The following TBC1D32 variants were observed in gnomAD, a reference collection of about 807,000 sequenced individuals.
TBC1D32 encodes the protein TBC1 domain family member 32, also known as protein broad-minded.
A neutral mutation model predicts 170.3 loss-of-function variants in TBC1D32; 151 were observed. That is an observed-to-expected ratio of 0.89 (90% CI 0.78 to 1.01). The LOEUF is 1.01. Among genes scored for constraint, TBC1D32 ranks in the 50% least tolerant of loss-of-function variants. The pLI, the probability that TBC1D32 is intolerant of heterozygous loss-of-function variation, is 0.00. For missense variants in TBC1D32, 1,464 were observed against 1,457.1 expected, an observed-to-expected ratio of 1.00 and a Z score of -0.08; for synonymous variants, 498 against 488.0, an observed-to-expected ratio of 1.02 and a Z score of -0.27.
intron 2 of TBC1D32, among the ~76,000 whole-genome samples, chr6:121,318,533 G>A (rs980410483): frequency 1.3e-5 from 2 of 151,898 alleles, no homozygotes; most frequent in African/African-American, 2.4e-5. Flanking sequence ...GCATAAAGAT[G>A]TAAGTAAAAA....
intron 22 of TBC1D32, among the ~76,000 whole-genome samples, chr6:121,184,008 A>AGTGTATCT (rs1353923646): frequency 1.3e-5 from 2 of 152,070 alleles, no homozygotes; most frequent in Non-Finnish European, 2.9e-5. Flanking sequence ...GCTTTACAAT[A>AGTGTATCT]GTGTATCTGT....
chr6:121,136,546 CT>C (rs112352692), intron 24 of TBC1D32, among the ~76,000 whole-genome samples: 14 of 152,162 alleles, frequency 9.2e-5, no homozygotes, highest in South Asian at 2.1e-4. Flanking sequence ...AAATCCCCCC[CT>C]GGCAAAGAAA....
chr6:121,107,824 C>T (rs1052636024), intron 29 of TBC1D32, among the ~76,000 whole-genome samples: 6 of 151,944 alleles, frequency 3.9e-5, no homozygotes, highest in African/African-American at 1.4e-4. Context: ...TTCTAGGCTA[C>T]ATTAGAAATA....
intron 25 of TBC1D32, among the ~76,000 whole-genome samples, chr6:121,130,214 G>A (rs894366904): frequency 5.3e-5 from 8 of 152,110 alleles, no homozygotes; most frequent in Non-Finnish European, 1.0e-4. Context: ...GGGCGCGGTG[G>A]CTCATGCCTG....
At chr6:121,086,109 T>C (rs1776248987) in intron 31 of TBC1D32, among the ~76,000 whole-genome samples, 2 of 152,096 alleles carry the variant, frequency 1.3e-5, no homozygotes, top group Admixed American at 1.3e-4. Flanking sequence ...ATAAGAAGAA[T>C]CTAGTAGAGG....
chr6:121,081,737 A>G (rs1775664004), intron 31 of TBC1D32, among the ~76,000 whole-genome samples: 1 of 152,088 alleles, frequency 6.6e-6, no homozygotes, highest in African/African-American at 2.4e-5. Context: ...AAACCTCAAT[A>G]TAGAAATAGC....
intron 21 of TBC1D32, among the ~76,000 whole-genome samples, chr6:121,217,723 T>C (rs1375210833): frequency 6.6e-6 from 1 of 152,076 alleles, no homozygotes; most frequent in African/African-American, 2.4e-5. Flanking sequence ...GATGAAATAA[T>C]CTGTACAACA....
At chr6:121,242,398 G>C in intron 17 of TBC1D32, 59 bp from the exon 18 acceptor site, 3 of 1,548,036 alleles carry the variant, frequency 1.9e-6, no homozygotes, top group Non-Finnish European at 1.8e-6. Context: ...TGAAAACAAA[G>C]AGTATGTCTT....
intron 24 of TBC1D32, among the ~76,000 whole-genome samples, chr6:121,143,022 G>A (rs186673811): frequency 1.8e-4 from 27 of 152,168 alleles, no homozygotes; most frequent in Admixed American, 1.5e-3. Context: ...GAGGCAGTAA[G>A]TTATAACACT....
At chr6:121,334,543 A>C (rs1811641393), upstream of TBC1D32, 1 of 1,317,654 alleles carries the variant, frequency 7.6e-7, no homozygotes, top group African/African-American at 1.5e-5. Flanking sequence ...CGTCGTTCCC[A>C]GGGATACCGC....
At chr6:121,274,140 C>A (rs1801900149) in intron 15 of TBC1D32, among the ~76,000 whole-genome samples, 1 of 152,052 alleles carries the variant, frequency 6.6e-6, no homozygotes, top group Non-Finnish European at 1.5e-5. Context: ...GGAGACCAGC[C>A]TGGCCAATAT....
chr6:121,309,461 CTA>C (rs2128486127), intron 4 of TBC1D32, among the ~76,000 whole-genome samples: 1 of 152,124 alleles, frequency 6.6e-6, no homozygotes, highest in African/African-American at 2.4e-5. Flanking sequence ...TTATTCTTCT[CTA>C]TGAGTTTTTT....
intron 15 of TBC1D32, among the ~76,000 whole-genome samples, chr6:121,272,574 A>T (rs113199677): frequency 0.051 from 7,729 of 152,218 alleles, 378 homozygotes; most frequent in African/African-American, 0.12. Context: ...ATCTCACACC[A>T]GTTAGAATGG....
intron 11 of TBC1D32, among the ~76,000 whole-genome samples, chr6:121,293,590 A>G (rs1425674371): frequency 6.6e-6 from 1 of 152,222 alleles, no homozygotes; most frequent in Non-Finnish European, 1.5e-5. Context: ...AGAAAAATTC[A>G]GAATAAGCAG....
chr6:121,313,010 G>T (rs1270067502), intron 3 of TBC1D32, among the ~76,000 whole-genome samples: 1 of 152,052 alleles, frequency 6.6e-6, no homozygotes, highest in Non-Finnish European at 1.5e-5. Context: ...CTTGGGTTCT[G>T]GGTCAAGACC....
At chr6:121,131,527 A>G (rs1781436294) in intron 25 of TBC1D32, 100 bp downstream of exon 25, 1 of 1,259,644 alleles carries the variant, frequency 7.9e-7, no homozygotes, top group African/African-American at 1.5e-5. Flanking sequence ...ATTTAGCATT[A>G]TGTTTTCTAC....
chr6:121,124,174 C>G (rs1253090369), intron 26 of TBC1D32, among the ~76,000 whole-genome samples: 1 of 151,996 alleles, frequency 6.6e-6, no homozygotes, highest in East Asian at 1.9e-4. Flanking sequence ...CCTTTTCCTT[C>G]CATTTTAAAA....
intron 22 of TBC1D32, among the ~76,000 whole-genome samples, chr6:121,182,562 G>GCT (rs1292870627): frequency 1.3e-5 from 2 of 151,950 alleles, no homozygotes; most frequent in Non-Finnish European, 2.9e-5. Context: ...ATTTGTATAA[G>GCT]CTAGCAGTTA....
rs751130121 is a variant in TBC1D32 at position 121,106,119 on chromosome 6, T to C, written c.3369A>G (p.Val1123=). ...CAATATAATGGGTGCTGCAAAAATA[T>C]ACTGGATGGATGCCAGATTCTACAG... ...NDTVESGIHP[V]YFCSTHYIEM... Residue 1123 remains valine (V), a synonymous_variant, in exon 30 of 32, where the codon GTA becomes GTG. Coordinates refer to ENST00000398212, the MANE Select transcript of TBC1D32 (RefSeq NM_152730.6). The C allele has an allele frequency of 1.3e-6, 2 of 1,596,896 alleles. No homozygotes were observed. The highest frequency in any genetic ancestry group is 2.3e-5 in the South Asian group (2 of 88,048).
Sources: allele counts gnomAD v4.1 joint callset (sites outside exome capture counted in the v4.1 genomes callset), GRCh38; gene constraint gnomAD v4.1.1; transcripts MANE v1.5; gene names NCBI Gene and HGNC (gene_info 2026-07-23, HGNC 2026-07-21).